The following PIK3R1 variants were observed in gnomAD, a reference collection of about 807,000 sequenced individuals.
PIK3R1 encodes phosphatidylinositol 3-kinase regulatory subunit alpha.
In PIK3R1, 29 loss-of-function variants were observed where a neutral mutation model predicts 98.0. The observed-to-expected ratio is 0.30, with a 90% CI of 0.22 to 0.40. The LOEUF (loss-of-function observed/expected upper bound fraction) is 0.40. Among genes scored for constraint, PIK3R1 ranks in the 10% least tolerant of loss-of-function variants. The pLI, the probability that PIK3R1 is intolerant of heterozygous loss-of-function variation, is 1.00. For synonymous variants in PIK3R1, 282 were observed against 311.8 expected (o/e 0.90, Z 1.01); for missense variants, 596 against 872.7 (o/e 0.68, Z 3.99).
In PIK3R1 at chr5:68,297,718, T is replaced by C; in HGVS notation, c.*117T>C. On this transcript the variant is annotated 3_prime_UTR_variant, in exon 16 of 16. Transcript: ENST00000521381. ...AGCTGCAGAAACGAAGCCATCTTTC[T>C]TTGGATGGGACTAGAGCTTTCTTTC... The C allele has an allele frequency of 2.4e-6, 2 of 818,308 alleles. No homozygotes were observed. Among genetic ancestry groups the C allele is most frequent in the Non-Finnish European group, 3.9e-6 (2 of 507,564 alleles). The allele number at this position is 818,308 out of a possible 1,614,324, so 50.7% of individuals were successfully genotyped here. A position where few individuals can be genotyped will look rare whatever the true frequency, so the allele number is the denominator to read the frequency against.
rs369309739 is a variant in PIK3R1, at chr5:68,295,394, G to A, written c.1746-26G>A. ...GCTACAATTCAGGATGAGTTAATGC[G>A]TTCTCTTTTCAAAACTGTTTTTCAG... is the stretch of plus-strand genomic sequence containing the variant. On this transcript the variant is annotated intron_variant, in intron 13 of 15. Coordinates refer to ENST00000521381, the MANE Select transcript of PIK3R1 (RefSeq NM_181523.3). The A allele has an allele frequency of 1.1e-4, 181 of 1,613,610 alleles. 1 individual carries two copies. The highest frequency in any genetic ancestry group is 8.7e-4 in the Admixed American group (52 of 60,012).
At chr5:68,286,719 G>A (rs1161824085) in intron 7 of PIK3R1, among the ~76,000 whole-genome samples, 1 of 152,162 alleles carries the variant, frequency 6.6e-6, no homozygotes, top group Non-Finnish European at 1.5e-5. Flanking sequence ...CTGCTTTCCA[G>A]TGGCTTATTT....
intron 2 of PIK3R1, among the ~76,000 whole-genome samples, chr5:68,243,346 T>C (rs56351136): frequency 3.9e-5 from 6 of 152,204 alleles, no homozygotes; most frequent in African/African-American, 1.4e-4. Context: ...TTGAAAAGTT[T>C]TGATGTTCTG....
chr5:68,291,996 T>G lies in PIK3R1; in HGVS notation c.917-263T>G, dbSNP rs186698373. 17 of 292,940 alleles carry G rather than the reference T, an allele frequency of 5.8e-5. No individual in the cohort carries two copies. The East Asian group carries it at 1.0e-3, about 17-fold the overall frequency. The allele number at this position is 292,940 out of a possible 1,614,324, so 18.1% of individuals were successfully genotyped here. ...CATGACTCTGGATTTACTTTGAAAT[T>G]TATTCACATGGCCAGCCCAATTTAT... is the stretch of plus-strand genomic sequence containing the variant. On this transcript the variant is annotated intron_variant, in intron 7 of 15. Coordinates refer to ENST00000521381, the MANE Select transcript of PIK3R1 (RefSeq NM_181523.3).
chr5:68,244,738 A>T (rs1745017524), intron 2 of PIK3R1, among the ~76,000 whole-genome samples: 1 of 152,090 alleles, frequency 6.6e-6, no homozygotes, highest in Admixed American at 6.5e-5. Flanking sequence ...ATAAGGCAAC[A>T]TGCATTTTAG....
At position 68,226,556 on chromosome 5, in the gene PIK3R1, T is replaced by C; in HGVS notation, c.-120T>C. On this transcript the variant is annotated 5_prime_UTR_variant, in exon 2 of 16. Coordinates refer to ENST00000521381, the MANE Select transcript of PIK3R1 (RefSeq NM_181523.3). ...ACCTTTGGAGAGTGGTCCTTTGTCC[T>C]CTGCTGGACACATAATAGGAATTCT... 1 of 794,648 alleles carries C rather than the reference T, an allele frequency of 1.3e-6. No homozygotes were observed. Among genetic ancestry groups the C allele is most frequent in the Non-Finnish European group, 2.0e-6 (1 of 497,454 alleles). The allele number at this position is 794,648 out of a possible 1,614,324, so 49.2% of individuals were successfully genotyped here. A position where few individuals can be genotyped will look rare whatever the true frequency, so the allele number is the denominator to read the frequency against.
chr5:68,281,354 G>T (rs901123092), intron 7 of PIK3R1, among the ~76,000 whole-genome samples: 28 of 152,130 alleles, frequency 1.8e-4, no homozygotes, highest in Non-Finnish European at 5.9e-5. Context: ...CAAAGTAGGG[G>T]ATTTATAATT....
chr5:68,281,701 G>T (rs762640612), intron 7 of PIK3R1, among the ~76,000 whole-genome samples: 1 of 152,174 alleles, frequency 6.6e-6, no homozygotes, highest in Non-Finnish European at 1.5e-5. Context: ...GGTACTATAC[G>T]TGTGAAGTTT....
Position 68,235,534 on chromosome 5 carries a change from T to C in PIK3R1, c.334+8525T>C, listed in dbSNP as rs543147528. On this transcript the variant is annotated intron_variant, in intron 2 of 15. Transcript: ENST00000521381. The stretch of plus-strand genomic sequence containing the variant: ...TGTTTCCCAACTATAGAAACATAGC[T>C]GAATATTTGTGGCATCATTAATGCA... Among the ~76,000 whole-genome samples the C allele has an allele frequency of 2.0e-5, 3 of 152,326 alleles. No individual in the cohort carries two copies. The South Asian group carries it at 6.2e-4, about 32-fold the overall frequency.
chr5:68,290,090 C>T (rs1477240801), intron 7 of PIK3R1, among the ~76,000 whole-genome samples: 2 of 152,168 alleles, frequency 1.3e-5, no homozygotes, highest in African/African-American at 2.4e-5. Flanking sequence ...AGGAGGACAT[C>T]TATACATTTT....
chr5:68,228,775 T>C (rs1744372462), intron 2 of PIK3R1, among the ~76,000 whole-genome samples: 1 of 152,222 alleles, frequency 6.6e-6, no homozygotes, highest in South Asian at 2.1e-4. Context: ...CAAGATTAGT[T>C]ACAAAACAAT....
chr5:68,264,927 G>A (rs1421931031), intron 2 of PIK3R1, among the ~76,000 whole-genome samples: 1 of 152,182 alleles, frequency 6.6e-6, no homozygotes, highest in Admixed American at 6.5e-5. Flanking sequence ...AGACCCGCCG[G>A]TCCGTCAGTA....
Position 68,293,864 on chromosome 5 carries a change from A to C in PIK3R1, c.1425+30A>C, listed in dbSNP as rs763307399. 3 of 1,515,172 alleles carry C rather than the reference A, an allele frequency of 2.0e-6. No individual in the cohort carries two copies. The East Asian group carries it at 7.0e-5, about 35-fold the overall frequency. The allele number at this position is 1,515,172 out of a possible 1,614,324, so 93.9% of individuals were successfully genotyped here. A position where few individuals can be genotyped will look rare whatever the true frequency, so the allele number is the denominator to read the frequency against. ...GTTTTCTATGAAAATCAGATTAAAA[A>C]ATAAGAGTTCTAAACTTTTAAAGAC... On this transcript the variant is annotated intron_variant, in intron 11 of 15. Transcript: ENST00000521381.
rs942585339 is a variant in PIK3R1, at chr5:68,299,251, A to G, written c.*1650A>G. 8.6e-6 allele frequency: 2 copies of G among 233,570 alleles called. No homozygotes were observed. The highest frequency in any genetic ancestry group is 4.4e-5 in the African/African-American group (2 of 45,328). The allele number at this position is 233,570 out of a possible 1,614,324, so 14.5% of individuals were successfully genotyped here. ...GAAAAAAAAAAGCATGATCTGAAAA[A>G]TACTTTTGGTGGTATGTTGGTTACC... On this transcript the variant is annotated 3_prime_UTR_variant, in exon 16 of 16. Coordinates refer to ENST00000521381, the MANE Select transcript of PIK3R1 (RefSeq NM_181523.3).
chr5:68,265,647 ATAT>A (rs925626238), intron 2 of PIK3R1, among the ~76,000 whole-genome samples: 3 of 152,106 alleles, frequency 2.0e-5, no homozygotes, highest in African/African-American at 7.2e-5. Context: ...CCATCTCCAA[ATAT>A]TATCACATTG....
intron 5 of PIK3R1, 121 bp downstream of exon 5, chr5:68,279,854 C>T: frequency 1.1e-6 from 1 of 881,494 alleles, no homozygotes; most frequent in Non-Finnish European, 1.7e-6. Context: ...TGTCCCTCCC[C>T]CAACAATACC....
At chr5:68,244,949 T>C (rs1334452763) in intron 2 of PIK3R1, among the ~76,000 whole-genome samples, 1 of 152,134 alleles carries the variant, frequency 6.6e-6, no homozygotes, top group Non-Finnish European at 1.5e-5. Context: ...CAAGGAATAA[T>C]TTTTCTGTTA....
chr5:68,247,572 G>C (rs1745147813), intron 2 of PIK3R1, among the ~76,000 whole-genome samples: 1 of 147,184 alleles, frequency 6.8e-6, no homozygotes, highest in South Asian at 2.2e-4. Flanking sequence ...GCCACTGCAC[G>C]TGGCCTTTTT....
chr5:68,253,722 A>G (rs890686671), intron 2 of PIK3R1, among the ~76,000 whole-genome samples: 5 of 152,222 alleles, frequency 3.3e-5, no homozygotes, highest in African/African-American at 9.6e-5. Context: ...GCAAGTATCT[A>G]CTATGAGCTT....
Sources: gnomAD v4.1 joint callset for allele counts (sites outside exome capture counted in the v4.1 genomes callset) on GRCh38, gnomAD v4.1.1 for gene constraint, MANE v1.5 for transcripts, NCBI Gene and HGNC (gene_info 2026-07-23, HGNC 2026-07-21) for gene names.